SUGCT: variants seen among roughly 807,000 people sequenced by gnomAD.
SUGCT encodes the protein succinyl-CoA:glutarate-CoA transferase, also known as succinyl-CoA:glutarate CoA-transferase.
SUGCT carries 41 observed loss-of-function variants against 55.0 expected under a neutral mutation model. The observed-to-expected ratio is 0.74, with a 90% CI of 0.58 to 0.97. SUGCT has a LOEUF of 0.97. Ranked by LOEUF, SUGCT falls within the 50% of genes least tolerant of loss-of-function variation. The pLI is 0.00. For synonymous variants in SUGCT, 187 were observed against 200.4 expected (o/e 0.93, Z 0.56); for missense variants, 568 against 547.8 (o/e 1.04, Z -0.37).
intron 12 of SUGCT, among the ~76,000 whole-genome samples, chr7:40,528,119 A>G (rs1434214354): frequency 6.6e-6 from 1 of 152,162 alleles, no homozygotes; most frequent in Non-Finnish European, 1.5e-5. Context: ...AATGAAGATA[A>G]TAAGTATACT....
intron 13 of SUGCT, among the ~76,000 whole-genome samples, chr7:40,766,465 C>A (rs970196442): frequency 6.6e-6 from 1 of 152,164 alleles, no homozygotes; most frequent in Non-Finnish European, 1.5e-5. Context: ...CTGCCTCGGC[C>A]TCCCAAAGTG....
rs529923624 is a variant in SUGCT at position 40,183,232 on chromosome 7, C to T, written c.226+1204C>T. Among the ~76,000 whole-genome samples the T allele has an allele frequency of 2.0e-5, 3 of 152,338 alleles. No homozygotes were observed. The South Asian group carries it at 6.2e-4, about 32-fold the overall frequency. ...AGGTTTCAGTGAGCCGAGGTCGTGC[C>T]ACTGCACTCCAGCCTGGGTGACAGA... is the stretch of plus-strand genomic sequence containing the variant. On this transcript the variant is annotated intron_variant, in intron 3 of 13. Transcript: ENST00000335693.
intron 12 of SUGCT, chr7:40,538,610 T>C (rs1397385203): frequency 6.6e-6 from 1 of 152,204 alleles, no homozygotes; most frequent in Non-Finnish European, 1.5e-5. Context: ...ACATAAGCAC[T>C]GCATGTAGAC....
At chr7:40,716,677 G>A (rs938032397) in intron 12 of SUGCT, among the ~76,000 whole-genome samples, 1 of 151,770 alleles carries the variant, frequency 6.6e-6, no homozygotes, top group South Asian at 2.1e-4. Context: ...GAAAACTAAG[G>A]TAAGCGTTTA....
chr7:40,937,197 C>G, the SUGCT span, among the ~76,000 whole-genome samples: 1 of 152,160 alleles, frequency 6.6e-6, no homozygotes, highest in Non-Finnish European at 1.5e-5. Context: ...GAGATGAGGT[C>G]TTGCTCTGTA....
At chr7:40,862,163 T>A (rs1313613190), downstream of SUGCT, among the ~76,000 whole-genome samples, 1 of 152,186 alleles carries the variant, frequency 6.6e-6, no homozygotes, top group African/African-American at 2.4e-5. Flanking sequence ...ATGATATTGA[T>A]CATGCAAAGA....
At chr7:40,503,050 A>G (rs1311326009) in intron 12 of SUGCT, among the ~76,000 whole-genome samples, 4 of 152,168 alleles carry the variant, frequency 2.6e-5, no homozygotes, top group Non-Finnish European at 4.4e-5. Flanking sequence ...AAAACAGGTA[A>G]TAAGTTAGCA....
In SUGCT at chr7:40,384,555, A is replaced by AT. The variant is rs879310384; in HGVS notation, c.817-64719dup. On this transcript the variant is annotated intron_variant, in intron 9 of 13. Transcript: ENST00000335693. ...CATACCCTGGCTCCCTTAGTCAGTA[A>AT]TTTTTTTTTTTTTGAGACAGTATCT... Among the ~76,000 whole-genome samples, 546 of 145,690 alleles carry AT rather than the reference A, an allele frequency of 3.7e-3. 13 individuals are homozygous for AT. The South Asian group carries it at 0.068, about 18-fold the overall frequency.
intron 1 of SUGCT, among the ~76,000 whole-genome samples, chr7:40,139,156 AAATAAAT>A (rs1283964887): frequency 2.7e-5 from 4 of 149,272 alleles, no homozygotes; most frequent in African/African-American, 5.1e-5. Context: ...ATAAATAAAT[AAATAAAT>A]AAATAAATAA....
At chr7:40,312,196 C>T (rs534246981) in intron 8 of SUGCT, among the ~76,000 whole-genome samples, 3 of 152,102 alleles carry the variant, frequency 2.0e-5, no homozygotes, top group Admixed American at 6.5e-5. Flanking sequence ...TGCTCCACCA[C>T]GCCTGGCTAA....
intron 7 of SUGCT, among the ~76,000 whole-genome samples, chr7:40,263,025 C>T (rs886092193): frequency 3.3e-5 from 5 of 152,170 alleles, no homozygotes; most frequent in Admixed American, 2.0e-4. Context: ...TGTTTTCAGA[C>T]GATTCTGCTG....
At chr7:40,360,765 A>C (rs1798112907) in intron 9 of SUGCT, among the ~76,000 whole-genome samples, 1 of 152,182 alleles carries the variant, frequency 6.6e-6, no homozygotes, top group Non-Finnish European at 1.5e-5. Context: ...CATGTTATGA[A>C]ATTCAAACAC....
chr7:41,016,392 A>T, the SUGCT span, among the ~76,000 whole-genome samples: 1 of 152,166 alleles, frequency 6.6e-6, no homozygotes, highest in Admixed American at 6.5e-5. Flanking sequence ...AAGATAGCAC[A>T]TTACATCCAG....
the SUGCT span, among the ~76,000 whole-genome samples, chr7:40,978,374 T>C: frequency 1.3e-5 from 2 of 152,184 alleles, no homozygotes; most frequent in Non-Finnish European, 2.9e-5. Context: ...CAAGGACAGC[T>C]TAACTCTTGC....
At chr7:40,699,262 G>A (rs1289602285) in intron 12 of SUGCT, among the ~76,000 whole-genome samples, 1 of 152,164 alleles carries the variant, frequency 6.6e-6, no homozygotes, top group East Asian at 1.9e-4. Context: ...TGGGGACACT[G>A]AGAAATATAT....
At chr7:40,366,893 G>A (rs1784005280) in intron 9 of SUGCT, among the ~76,000 whole-genome samples, 1 of 152,136 alleles carries the variant, frequency 6.6e-6, no homozygotes, top group Non-Finnish European at 1.5e-5. Flanking sequence ...AATACCATTT[G>A]ACCCAGCCAT....
At chr7:40,340,011 G>T (rs1322673238) in intron 9 of SUGCT, among the ~76,000 whole-genome samples, 1 of 152,106 alleles carries the variant, frequency 6.6e-6, no homozygotes, top group African/African-American at 2.4e-5. Flanking sequence ...CATGATTTTT[G>T]CCTGGGATAT....
chr7:40,525,976 C>T (rs769481099), intron 12 of SUGCT, among the ~76,000 whole-genome samples: 58 of 152,214 alleles, frequency 3.8e-4, no homozygotes, highest in Non-Finnish European at 4.6e-4. Context: ...GCATCTGCCT[C>T]GCTGGACTCA....
chr7:40,802,129 TG>T (rs1790851844), intron 13 of SUGCT, among the ~76,000 whole-genome samples: 1 of 152,240 alleles, frequency 6.6e-6, no homozygotes, highest in Non-Finnish European at 1.5e-5. Context: ...AGTGAAATTT[TG>T]TAGACTATGG....
Sources: gnomAD v4.1 joint callset for allele counts (sites outside exome capture counted in the v4.1 genomes callset) on GRCh38, gnomAD v4.1.1 for gene constraint, MANE v1.5 for transcripts, NCBI Gene and HGNC (gene_info 2026-07-23, HGNC 2026-07-21) for gene names.